The following UVRAG variants were observed in gnomAD, a reference collection of about 807,000 sequenced individuals.
UVRAG encodes the protein UV radiation resistance-associated gene protein.
In UVRAG, 19 loss-of-function variants were observed where a neutral mutation model predicts 78.0. The ratio of observed to expected loss-of-function variants is 0.24; its 90% CI spans 0.17 to 0.36. The LOEUF is 0.36. Ranked by LOEUF, UVRAG falls within the 10% of genes least tolerant of loss-of-function variation. UVRAG has a pLI of 1.00. For missense variants in UVRAG, 740 were observed against 853.8 expected (o/e 0.87, Z 1.66); for synonymous variants, 323 against 324.6 (o/e 1.00, Z 0.05).
chr11:75,984,899 A>C (rs1565104450), intron 8 of UVRAG, among the ~76,000 whole-genome samples: 1 of 152,122 alleles, frequency 6.6e-6, no homozygotes, highest in Non-Finnish European at 1.5e-5. Context: ...AGTAATTTTC[A>C]TTTTGGGAAC....
At chr11:75,946,060 G>T (rs796812147) in intron 6 of UVRAG, among the ~76,000 whole-genome samples, 15 of 152,196 alleles carry the variant, frequency 9.9e-5, no homozygotes, top group African/African-American at 3.6e-4. Flanking sequence ...TGAAGATAAT[G>T]CTCTGATCTC....
chr11:75,820,648 C>T (rs1053126527), intron 1 of UVRAG, among the ~76,000 whole-genome samples: 3 of 152,222 alleles, frequency 2.0e-5, no homozygotes, highest in Non-Finnish European at 4.4e-5. Context: ...AGCCACCGCA[C>T]CCGGCCTCAC....
At chr11:76,072,634 C>T (rs976137732) in intron 13 of UVRAG, among the ~76,000 whole-genome samples, 2 of 152,196 alleles carry the variant, frequency 1.3e-5, no homozygotes, top group Admixed American at 6.5e-5. Context: ...CCACAACTCA[C>T]ACCATACTGT....
chr11:75,841,594 G>T (rs1945912450), intron 1 of UVRAG, among the ~76,000 whole-genome samples: 1 of 152,054 alleles, frequency 6.6e-6, no homozygotes, highest in Admixed American at 6.5e-5. Context: ...CAATGTAAGA[G>T]TGTTACTCAG....
At chr11:76,029,265 C>T (rs536487466) in intron 12 of UVRAG, among the ~76,000 whole-genome samples, 93 of 152,284 alleles carry the variant, frequency 6.1e-4, no homozygotes, top group East Asian at 7.7e-4. Flanking sequence ...CACCTGGTTA[C>T]CCACAAGTGC....
At chr11:76,036,245 G>A (rs967065429) in intron 12 of UVRAG, among the ~76,000 whole-genome samples, 1 of 152,126 alleles carries the variant, frequency 6.6e-6, no homozygotes, top group African/African-American at 2.4e-5. Context: ...CCAATGAAAT[G>A]AAAGGTTAAA....
intron 8 of UVRAG, among the ~76,000 whole-genome samples, chr11:75,986,716 A>G (rs1017947401): frequency 2.6e-5 from 4 of 152,248 alleles, no homozygotes; most frequent in Non-Finnish European, 5.9e-5. Flanking sequence ...CCACAATCTG[A>G]TTGTCCTACC....
chr11:76,058,558 T>C (rs1951024960), intron 12 of UVRAG, among the ~76,000 whole-genome samples: 1 of 148,678 alleles, frequency 6.7e-6, no homozygotes. Context: ...AAAAAAATTA[T>C]TGTCTTTGGC....
At chr11:75,837,815 A>C (rs1313470378) in intron 1 of UVRAG, among the ~76,000 whole-genome samples, 1 of 152,238 alleles carries the variant, frequency 6.6e-6, no homozygotes, top group East Asian at 1.9e-4. Context: ...CCATTCTAAG[A>C]AACCAAATTA....
intron 13 of UVRAG, among the ~76,000 whole-genome samples, chr11:76,114,341 G>GA: frequency 1.3e-5 from 2 of 152,190 alleles, no homozygotes; most frequent in Non-Finnish European, 1.5e-5. Flanking sequence ...TTTGAAAAAG[G>GA]AAAAAACTAT....
At chr11:76,015,928 G>T (rs375590703) in intron 11 of UVRAG, among the ~76,000 whole-genome samples, 4 of 152,188 alleles carry the variant, frequency 2.6e-5, no homozygotes, top group Admixed American at 2.6e-4. Context: ...GTGCACACAC[G>T]TGCACTTGTG....
rs1427687251 is a variant in UVRAG, at chr11:75,979,413, G to C, written c.700-3974G>C. ...TACTCTCTTCAAAGCTGACAGACAG[G>C]GATGTTTAAGTCTGCAGAAGTTTTC... On this transcript the variant is annotated intron_variant, in intron 7 of 14. Coordinates refer to ENST00000356136, the MANE Select transcript of UVRAG (RefSeq NM_003369.4). 2.0e-5 allele frequency: 3 copies of C among 152,420 alleles called. No homozygotes were observed. In the East Asian group the frequency reaches 5.8e-4, roughly 29 times the overall value. The allele number at this position is 152,420 out of a possible 1,614,324, so 9.4% of individuals were successfully genotyped here. A position where few individuals can be genotyped will look rare whatever the true frequency, so the allele number is the denominator to read the frequency against.
chr11:75,992,797 T>C (rs1949638421), intron 8 of UVRAG, among the ~76,000 whole-genome samples: 1 of 152,360 alleles, frequency 6.6e-6, no homozygotes, highest in Non-Finnish European at 1.5e-5. Flanking sequence ...TAATGAATCT[T>C]GAGCCAAGTT....
intron 6 of UVRAG, among the ~76,000 whole-genome samples, chr11:75,926,096 T>C (rs1948096956): frequency 6.6e-6 from 1 of 152,148 alleles, no homozygotes; most frequent in South Asian, 2.1e-4. Context: ...CTTAGAGTCT[T>C]GTGGCACCCA....
rs1258854562 is a variant in UVRAG at position 76,143,233 on chromosome 11, T to C, written c.*1820T>C. 6.6e-6 allele frequency: 1 copy of C among 151,862 alleles called. No homozygotes were observed. The highest frequency in any genetic ancestry group is 1.9e-4 in the East Asian group (1 of 5,190). The allele number at this position is 151,862 out of a possible 1,614,324, so 9.4% of individuals were successfully genotyped here. ...AGTGTTAGGATTGCAGAATGGAAGGTCAACCCCGTGGGACTTACGATTGCC... is the reference window on the plus strand; with the variant it reads ...AGTGTTAGGATTGCAGAATGGAAGGCCAACCCCGTGGGACTTACGATTGCC... On this transcript the variant is annotated 3_prime_UTR_variant, in exon 15 of 15. Transcript: ENST00000356136.
chr11:75,866,768 A>G (rs766299117), intron 3 of UVRAG, among the ~76,000 whole-genome samples: 24 of 152,236 alleles, frequency 1.6e-4, no homozygotes, highest in Non-Finnish European at 3.1e-4. Context: ...GCAAACAAAC[A>G]AAATATGTTT....
At chr11:75,854,676 CA>C (rs1174196120) in intron 2 of UVRAG, among the ~76,000 whole-genome samples, 1 of 152,174 alleles carries the variant, frequency 6.6e-6, no homozygotes, top group Non-Finnish European at 1.5e-5. Flanking sequence ...CTTAGTCTCC[CA>C]AAATGCTGGG....
At chr11:75,849,568 T>G (rs895886857) in intron 1 of UVRAG, among the ~76,000 whole-genome samples, 2 of 152,154 alleles carry the variant, frequency 1.3e-5, no homozygotes, top group Admixed American at 6.5e-5. Context: ...AATGTTCACA[T>G]GTATGAAGCA....
chr11:76,076,114 G>T (rs755541822), intron 13 of UVRAG, among the ~76,000 whole-genome samples: 15 of 152,298 alleles, frequency 9.8e-5, no homozygotes, highest in Non-Finnish European at 2.1e-4. Context: ...ATACCTAGGA[G>T]TGGAATTGCT....
Sources: gnomAD v4.1 joint callset for allele counts (sites outside exome capture counted in the v4.1 genomes callset) on GRCh38, gnomAD v4.1.1 for gene constraint, MANE v1.5 for transcripts, NCBI Gene and HGNC (gene_info 2026-07-23, HGNC 2026-07-21) for gene names.